Variants in BSN observed in about 807,000 individuals in gnomAD.
The protein encoded by BSN is protein bassoon.
In BSN, 57 loss-of-function variants were observed where a neutral mutation model predicts 264.8. The observed-to-expected ratio is 0.22, with a 90% CI of 0.17 to 0.27. The LOEUF (loss-of-function observed/expected upper bound fraction) is 0.27. BSN is among the 10% of genes least tolerant of loss of function. BSN has a pLI of 1.00. For missense variants in BSN, 4,615 were observed against 5,232.5 expected (o/e 0.88, Z 3.64); for synonymous variants, 2,059 against 2,137.3 (o/e 0.96, Z 1.01).
intron 2 of BSN, among the ~76,000 whole-genome samples, chr3:49,628,770 G>T (rs2052362543): frequency 6.6e-6 from 1 of 152,180 alleles, no homozygotes; most frequent in African/African-American, 2.4e-5. Flanking sequence ...GAGCAAAAGA[G>T]CTGTGGATCT....
At position 49,653,351 on chromosome 3, in the gene BSN, G is replaced by C. The variant is rs35025593; in HGVS notation, c.3795G>C (p.Gln1265His). 1 of 1,612,946 alleles carries C rather than the reference G, an allele frequency of 6.2e-7. No individual in the cohort carries two copies. Among genetic ancestry groups the C allele is most frequent in the Non-Finnish European group, 8.5e-7 (1 of 1,179,580 alleles). ...AVYEEILQTS[Q>H]SIVRMRQASS... ...ACGAAGAAATCCTTCAGACATCACA[G>C]AGCATAGTCCGCATGCGGCAGGCCT... Residue 1265 changes from glutamine to histidine, a missense_variant, in exon 5 of 12, where the codon CAG (glutamine) becomes CAC (histidine). Physicochemically the swap from Gln to His is conservative, Grantham distance 24. This residue lies in a region of BSN where 3,415 missense variants were observed against 3,866.4 expected (regional missense o/e 0.88). Transcript: ENST00000296452. The surrounding 1 kb of genome is among the most constrained non-coding windows in gnomAD (Gnocchi z 6.3).
chr3:49,602,495 G>C (rs1368881584), intron 1 of BSN, among the ~76,000 whole-genome samples: 1 of 151,090 alleles, frequency 6.6e-6, no homozygotes, highest in Non-Finnish European at 1.5e-5. Flanking sequence ...TCCCAGGCTG[G>C]AGTGCAATGA....
In BSN at chr3:49,643,264, C is replaced by T. The variant is rs2052480771; in HGVS notation, c.1518+112C>T. On this transcript the variant is annotated intron_variant, in intron 3 of 11. Transcript: ENST00000296452. Reference sequence around the variant, plus strand: ...TGGGTCTGCAGCAGCCATGGGGCTGCTCCTGTACAACTAATGCTGCAGAGG... The same window carrying T: ...TGGGTCTGCAGCAGCCATGGGGCTGTTCCTGTACAACTAATGCTGCAGAGG... 1.7e-5 allele frequency: 25 copies of T among 1,457,932 alleles called. No individual in the cohort carries two copies. The South Asian group carries it at 3.3e-4, about 19-fold the overall frequency. 90.3% of individuals were successfully genotyped at this position (1,457,932 alleles called of 1,614,324 possible).
In BSN at chr3:49,651,003, G is replaced by A; in HGVS notation, c.1910G>A (p.Ser637Asn). 6.2e-7 allele frequency: 1 copy of A among 1,614,080 alleles called. No homozygotes were observed. The highest frequency in any genetic ancestry group is 8.5e-7 in the Non-Finnish European group (1 of 1,180,006). ...TPTPATPKVK[S>N]GVRRAEPATP... ...ACCCCTGCGACTCCTAAAGTAAAGAGTGGGGTGAGGAGGGCTGAACCTGCC... is the reference window on the plus strand; with the variant it reads ...ACCCCTGCGACTCCTAAAGTAAAGAATGGGGTGAGGAGGGCTGAACCTGCC... The change falls in exon 4 of 12, where the codon AGT becomes AAT. Residue 637 changes from serine (S) to asparagine (N), a missense_variant. Transcript: ENST00000296452. This position sits in a 1 kb window ranked among gnomAD's most constrained non-coding sequence, Gnocchi z 5.4.
chr3:49,650,593 C>T lies in BSN; in HGVS notation c.1519-19C>T, dbSNP rs1390515255. The T allele has an allele frequency of 3.2e-6, 5 of 1,573,782 alleles. No homozygotes were observed. The highest frequency in any genetic ancestry group is 2.2e-5 in the East Asian group (1 of 44,706). ...TGTCTTTTTAATTTTCATCAACCCC[C>T]TCTCCCATTTCCTTGCAGAAAACAG... is the stretch of plus-strand genomic sequence containing the variant. On this transcript the variant is annotated intron_variant, in intron 3 of 11. Coordinates refer to ENST00000296452, the MANE Select transcript of BSN (RefSeq NM_003458.4).
rs1280947012 is a variant in BSN, at chr3:49,655,433, G to A, written c.5877G>A (p.Gly1959=). 6.4e-7 allele frequency: 1 copy of A among 1,570,048 alleles called. No homozygotes were observed. The highest frequency in any genetic ancestry group is 1.4e-5 in the African/African-American group (1 of 74,000). The change falls in exon 5 of 12, where the codon GGG becomes GGA. Residue 1959 remains glycine (G), a synonymous_variant. Coordinates refer to ENST00000296452, the MANE Select transcript of BSN (RefSeq NM_003458.4). ...PPEPPTYRAQ[G]VVGPGPHEEQ... is the part of the protein sequence containing the mutation. Reference sequence around the variant, plus strand: ...AGCCCCCAACCTACCGGGCACAGGGGGTGGTGGGGCCTGGGCCCCATGAGG... The same window carrying A: ...AGCCCCCAACCTACCGGGCACAGGGAGTGGTGGGGCCTGGGCCCCATGAGG...
rs2052750735 is a variant in BSN, at chr3:49,670,976, T to TC, written c.*3493dup. On this transcript the variant is annotated 3_prime_UTR_variant, in exon 12 of 12. Coordinates refer to ENST00000296452, the MANE Select transcript of BSN (RefSeq NM_003458.4). Reference sequence around the variant, plus strand: ...GCTGTAAATACTTGTCATCATGGACTCCAACAGGGTTAGAGGGACAGGCCT... The same window carrying TC: ...GCTGTAAATACTTGTCATCATGGACTCCCAACAGGGTTAGAGGGACAGGCCT... 6.6e-6 allele frequency: 1 copy of TC among 152,248 alleles called. No individual in the cohort carries two copies. Among genetic ancestry groups the TC allele is most frequent in the Non-Finnish European group, 1.5e-5 (1 of 68,056 alleles). 9.4% of individuals were successfully genotyped at this position (152,248 alleles called of 1,614,324 possible). A position where few individuals can be genotyped will look rare whatever the true frequency, so the allele number is the denominator to read the frequency against.
chr3:49,595,233 C>A (rs1218866852), intron 1 of BSN, among the ~76,000 whole-genome samples: 1 of 126,132 alleles, frequency 7.9e-6, no homozygotes, highest in Admixed American at 8.6e-5. Flanking sequence ...GCTCTTGTTG[C>A]CCAGGCTGGA....
chr3:49,646,286 C>T (rs2052503420), intron 3 of BSN, among the ~76,000 whole-genome samples: 1 of 152,150 alleles, frequency 6.6e-6, no homozygotes, highest in Admixed American at 6.5e-5. Flanking sequence ...TAATAGTACT[C>T]TCTGGCTTAA....
rs1279911224 is a variant in BSN at position 49,654,906 on chromosome 3, G to C, written c.5350G>C (p.Ala1784Pro). Reference sequence around the variant, plus strand: ...ACAAGTAGAGCAGGCTGTCCAGACAGCCCCATACCGAAGTGGGCCCCGGGG... The same window carrying C: ...ACAAGTAGAGCAGGCTGTCCAGACACCCCCATACCGAAGTGGGCCCCGGGG... ...VKQVEQAVQT[A>P]PYRSGPRGRP... The change falls in exon 5 of 12, where the codon GCC becomes CCC. Residue 1784 changes from alanine to proline, a missense_variant. This residue lies in a region of BSN where 3,415 missense variants were observed against 3,866.4 expected (regional missense o/e 0.88). Transcript: ENST00000296452. The surrounding 1 kb of genome is among the most constrained non-coding windows in gnomAD (Gnocchi z 4.1). 5 of 1,612,520 alleles carry C rather than the reference G, an allele frequency of 3.1e-6. No individual in the cohort carries two copies. In the African/African-American group the frequency reaches 5.3e-5, roughly 17 times the overall value.
At position 49,630,443 on chromosome 3, in the gene BSN, A is replaced by G. The variant is rs530671794; in HGVS notation, c.633+5060A>G. 7.9e-5 allele frequency among the ~76,000 whole-genome samples: 12 copies of G among 152,100 alleles called. No homozygotes were observed. In the East Asian group the frequency reaches 2.3e-3, roughly 29 times the overall value. ...ACAGTCTCCAAGTCAATAGAGAAAT[A>G]CTCTCCAAACTTTAGTCACTCTGGA... On this transcript the variant is annotated intron_variant, in intron 2 of 11. Coordinates refer to ENST00000296452, the MANE Select transcript of BSN (RefSeq NM_003458.4).
intron 1 of BSN, among the ~76,000 whole-genome samples, chr3:49,591,941 C>A (rs1229137320): frequency 6.6e-6 from 1 of 151,982 alleles, no homozygotes; most frequent in Non-Finnish European, 1.5e-5. Context: ...AGATCACTGG[C>A]TCTGATAAAG....
At chr3:49,672,079 C>G (rs2052784040), downstream of BSN, among the ~76,000 whole-genome samples, 1 of 145,724 alleles carries the variant, frequency 6.9e-6, no homozygotes, top group South Asian at 2.3e-4. Context: ...CCCAGCTTCA[C>G]CTCTGGCCCT....
chr3:49,597,874 AC>A (rs2052038424), intron 1 of BSN, among the ~76,000 whole-genome samples: 1 of 151,216 alleles, frequency 6.6e-6, no homozygotes, highest in Non-Finnish European at 1.5e-5. Context: ...CGATCTCCTG[AC>A]CTCGTGATCC....
Position 49,663,641 on chromosome 3 carries a change from C to A in BSN, c.11483C>A (p.Ala3828Asp). ...AAGCCTCAGCCAGGCCCCAGCACAGCCACAGGTCCTCAACCAGCAGGACCG... is the reference window on the plus strand; with the variant it reads ...AAGCCTCAGCCAGGCCCCAGCACAGACACAGGTCCTCAACCAGCAGGACCG... ...AGKPQPGPSTATGPQPAGPPR... is the reference protein window; with the variant it reads ...AGKPQPGPSTDTGPQPAGPPR... Residue 3828 changes from alanine (A) to aspartate (D), a missense_variant, in exon 7 of 12, where the codon GCC becomes GAC. Ala to Asp is a moderately radical substitution (Grantham distance 126). Coordinates refer to ENST00000296452, the MANE Select transcript of BSN (RefSeq NM_003458.4). The A allele has an allele frequency of 6.2e-7, 1 of 1,606,982 alleles. No individual in the cohort carries two copies. The highest frequency in any genetic ancestry group is 8.5e-7 in the Non-Finnish European group (1 of 1,175,976).
In BSN at chr3:49,638,005, C is replaced by T. The variant is rs1424486286; in HGVS notation, c.634-4263C>T. On this transcript the variant is annotated intron_variant, in intron 2 of 11. Transcript: ENST00000296452. This position sits in a 1 kb window ranked among gnomAD's most constrained non-coding sequence, Gnocchi z 4.3. ...ACCTTAGGGTAGCCCCAGGAAGGCT[C>T]CTGAGACACGAGGCTCGTGGCTGGT... Among the ~76,000 whole-genome samples, 2 of 152,236 alleles carry T rather than the reference C, an allele frequency of 1.3e-5. No individual in the cohort carries two copies. The highest frequency in any genetic ancestry group is 2.9e-5 in the Non-Finnish European group (2 of 68,036).
intron 2 of BSN, among the ~76,000 whole-genome samples, chr3:49,631,482 T>C (rs1248322465): frequency 6.8e-6 from 1 of 148,022 alleles, no homozygotes; most frequent in African/African-American, 2.5e-5. Flanking sequence ...CACTTGAGCC[T>C]GGGAAAATCT....
In BSN at chr3:49,651,737, G is replaced by T; in HGVS notation, c.2181G>T (p.Val727=). The part of the protein sequence containing the change: ...HPPSPSEIHK[V]GSSMRPLLQA... The stretch of plus-strand genomic sequence containing the variant: ...CCAGCCCCTCCGAGATCCACAAGGT[G>T]GGGAGCAGCATGCGGCCTTTGCTGC... Residue 727 remains valine, a synonymous_variant, in exon 5 of 12, where the codon GTG becomes GTT. Coordinates refer to ENST00000296452, the MANE Select transcript of BSN (RefSeq NM_003458.4). This position sits in a 1 kb window ranked among gnomAD's most constrained non-coding sequence, Gnocchi z 5.4. 2.5e-6 allele frequency: 4 copies of T among 1,613,758 alleles called. No homozygotes were observed. The highest frequency in any genetic ancestry group is 3.4e-6 in the Non-Finnish European group (4 of 1,179,918).
intron 1 of BSN, among the ~76,000 whole-genome samples, chr3:49,605,634 T>A (rs1401429232): frequency 3.5e-5 from 1 of 28,620 alleles, no homozygotes; most frequent in Non-Finnish European, 5.8e-5. Context: ...TAATATATAT[T>A]ACATATATGT....
Sources: gnomAD v4.1 joint callset for allele counts (sites outside exome capture counted in the v4.1 genomes callset) on GRCh38, gnomAD v4.1.1 for gene constraint, gnomAD v4.1.1 regional missense constraint, Gnocchi (gnomAD v3.1) non-coding constraint, MANE v1.5 for transcripts, NCBI Gene and HGNC (gene_info 2026-07-23, HGNC 2026-07-21) for gene names.